The following MYO16 variants were observed in gnomAD, a reference collection of about 807,000 sequenced individuals.
MYO16 encodes myosin XVI.
MYO16 carries 94 observed loss-of-function variants against 205.3 expected under a neutral mutation model. The ratio of observed to expected loss-of-function variants is 0.46; its 90% confidence interval spans 0.39 to 0.54. The LOEUF is 0.54. MYO16 is among the 20% of genes least tolerant of loss of function. The pLI is 0.00. For missense variants in MYO16, 2,315 were observed against 2,387.5 expected (o/e 0.97, Z 0.63); for synonymous variants, 988 against 954.0 (o/e 1.04, Z -0.66).
chr13:109,065,661 C>T (rs986633936), intron 27 of MYO16: 14 of 413,858 alleles, frequency 3.4e-5, no homozygotes, highest in African/African-American at 2.5e-4. Context: ...CTCATCCATA[C>T]ATCTTTGTTT....
chr13:108,772,963 A>G (rs1342915330), intron 4 of MYO16, among the ~76,000 whole-genome samples: 2 of 152,230 alleles, frequency 1.3e-5, no homozygotes, highest in Non-Finnish European at 2.9e-5. Context: ...TATAAACAAC[A>G]GAACCTTATT....
Position 109,105,555 on chromosome 13 carries a change from C to T in MYO16, c.3438+4668C>T, listed in dbSNP as rs116031519. On this transcript the variant is annotated intron_variant, in intron 28 of 34. Coordinates refer to ENST00000457511, the MANE Select transcript of MYO16 (RefSeq NM_001198950.3). Reference sequence around the variant, plus strand: ...CAATGGATTTTTAGCTTTATATCTACGTGTATAAGATACATGTATTAATGC... The same window carrying T: ...CAATGGATTTTTAGCTTTATATCTATGTGTATAAGATACATGTATTAATGC... Among the ~76,000 whole-genome samples, 355 of 152,148 alleles carry T rather than the reference C, an allele frequency of 2.3e-3. 1 individual carries two copies. The highest frequency in any genetic ancestry group is 8.1e-3 in the African/African-American group (336 of 41,500).
At chr13:109,025,726 A>G (rs183139423) in intron 23 of MYO16, among the ~76,000 whole-genome samples, 17 of 152,298 alleles carry the variant, frequency 1.1e-4, no homozygotes, top group African/African-American at 3.4e-4. Context: ...GGAGAAAGAC[A>G]TTGGCTCTTA....
intron 28 of MYO16, among the ~76,000 whole-genome samples, chr13:109,108,989 C>T (rs1476215175): frequency 3.9e-5 from 6 of 152,038 alleles, no homozygotes; most frequent in Non-Finnish European, 7.4e-5. Flanking sequence ...CATTATTGCC[C>T]CACTAAGGAG....
chr13:109,094,098 A>G (rs947297393), intron 27 of MYO16, among the ~76,000 whole-genome samples: 3 of 152,158 alleles, frequency 2.0e-5, no homozygotes, highest in Non-Finnish European at 2.9e-5. Flanking sequence ...CACCGGGACT[A>G]CAGTTCCCCC....
intron 4 of MYO16, among the ~76,000 whole-genome samples, chr13:108,738,006 T>C (rs1442754730): frequency 6.6e-6 from 1 of 152,204 alleles, no homozygotes; most frequent in African/African-American, 2.4e-5. Context: ...TTTTATTGTG[T>C]CTATTTGATT....
chr13:108,902,638 G>A (rs1053477323), intron 15 of MYO16, among the ~76,000 whole-genome samples: 2 of 152,160 alleles, frequency 1.3e-5, no homozygotes, highest in African/African-American at 4.8e-5. Flanking sequence ...AGCTCTGATG[G>A]TTGCTGCTGA....
intron 11 of MYO16, among the ~76,000 whole-genome samples, chr13:108,857,237 A>G (rs1878228456): frequency 6.6e-6 from 1 of 152,216 alleles, no homozygotes; most frequent in African/African-American, 2.4e-5. Context: ...ATCTGCCTTT[A>G]GAGAATTTAT....
At chr13:108,796,852 G>A (rs984012299) in intron 6 of MYO16, among the ~76,000 whole-genome samples, 2 of 150,500 alleles carry the variant, frequency 1.3e-5, no homozygotes, top group African/African-American at 4.9e-5. Flanking sequence ...CACCAACATG[G>A]CACATGTATA....
chr13:109,144,160 G>T (rs888464090), intron 32 of MYO16, among the ~76,000 whole-genome samples: 2 of 151,674 alleles, frequency 1.3e-5, no homozygotes, highest in Non-Finnish European at 2.9e-5. Context: ...AATTACAAGC[G>T]CCCACTACCA....
At chr13:108,787,976 A>G (rs1274549545) in intron 5 of MYO16, among the ~76,000 whole-genome samples, 2 of 151,922 alleles carry the variant, frequency 1.3e-5, no homozygotes, top group African/African-American at 2.4e-5. Context: ...TGCTTGGTGT[A>G]CTTTTACAGT....
Position 109,136,055 on chromosome 13 carries a change from C to CTCCT in MYO16, c.4052-4190_4052-4187dup, listed in dbSNP as rs369392215. ...TGGAAGTCATTTCTTTTCTTTCTTTCTCCTTCCTTCCTTCCTTCCTTCTTT... is the reference window on the plus strand; with the variant it reads ...TGGAAGTCATTTCTTTTCTTTCTTTCTCCTTCCTTCCTTCCTTCCTTCCTTCTTT... On this transcript the variant is annotated intron_variant, in intron 31 of 34. Transcript: ENST00000457511. 1.6e-3 allele frequency among the ~76,000 whole-genome samples: 236 copies of CTCCT among 150,992 alleles called. 2 individuals carry two copies. The highest frequency in any genetic ancestry group is 4.0e-3 in the African/African-American group (166 of 41,090).
At chr13:108,640,625 C>T (rs1347677423) in intron 1 of MYO16, among the ~76,000 whole-genome samples, 2 of 152,136 alleles carry the variant, frequency 1.3e-5, no homozygotes, top group Admixed American at 1.3e-4. Context: ...ACCCATCTAT[C>T]CTTTCACATT....
At chr13:108,772,354 G>C (rs1249865169) in intron 4 of MYO16, among the ~76,000 whole-genome samples, 1 of 149,262 alleles carries the variant, frequency 6.7e-6, no homozygotes, top group African/African-American at 2.5e-5. Flanking sequence ...TGTCTCAAAA[G>C]AAAGAAAAAA....
At chr13:108,598,586 A>C (rs2139295526) in intron 1 of MYO16, among the ~76,000 whole-genome samples, 1 of 152,322 alleles carries the variant, frequency 6.6e-6, no homozygotes, top group South Asian at 2.1e-4. Flanking sequence ...GAAAGTGTCC[A>C]CTTTCTGTTC....
intron 9 of MYO16, among the ~76,000 whole-genome samples, chr13:108,828,294 C>T (rs1057362762): frequency 6.6e-6 from 1 of 152,124 alleles, no homozygotes; most frequent in African/African-American, 2.4e-5. Context: ...TTGATAGTGC[C>T]TGAACTCCCT....
the MYO16 span, among the ~76,000 whole-genome samples, chr13:108,547,681 A>G: frequency 6.6e-6 from 1 of 152,246 alleles, no homozygotes; most frequent in Non-Finnish European, 1.5e-5. Flanking sequence ...AGAGCTTACA[A>G]ATAAAAATGG....
rs1884379239 is a variant in MYO16 at position 108,727,465 on chromosome 13, T to C, written c.389T>C (p.Ile130Thr). The change falls in exon 4 of 35, where the codon ATT becomes ACT. Residue 130 changes from isoleucine (I) to threonine (T), a missense_variant. By Grantham distance (89) the Ile-to-Thr change is moderately conservative. Around this residue, in one of 3 missense-constraint regions of MYO16, gnomAD observed 1,213 missense variants for 1,274.4 expected, o/e 0.95. Transcript: ENST00000457511. Reference sequence around the variant, plus strand: ...TGTGCTCGGTATGATAATGCCTTCATTGCAGAAATTCTGATTGACAGAGGA... The same window carrying C: ...TGTGCTCGGTATGATAATGCCTTCACTGCAGAAATTCTGATTGACAGAGGA... ...HLCARYDNAF[I>T]AEILIDRGVN... 3 of 1,614,008 alleles carry C rather than the reference T, an allele frequency of 1.9e-6. No homozygotes were observed. The highest frequency in any genetic ancestry group is 4.5e-5 in the East Asian group (2 of 44,866).
rs1886690065 is a variant in MYO16 at position 108,793,594 on chromosome 13, C to A, written c.695C>A (p.Ser232Ter). 1 of 1,613,798 alleles carries A rather than the reference C, an allele frequency of 6.2e-7. No individual in the cohort carries two copies. The highest frequency in any genetic ancestry group is 1.1e-5 in the South Asian group (1 of 91,072). Residue 232 changes from serine to a stop codon, truncating the protein, a stop_gained, in exon 6 of 35, where the codon TCA becomes TAA. Transcript: ENST00000457511. LOFTEE classifies it high-confidence loss of function. ...SMLTDVKHFL[S>*]SGGNVNEKND... is the part of the protein sequence containing the mutation. ...TTAACAGATGTCAAACACTTCTTATCATCTGGAGGAAATGTCAATGAGAAA... is the reference window on the plus strand; with the variant it reads ...TTAACAGATGTCAAACACTTCTTATAATCTGGAGGAAATGTCAATGAGAAA...
Sources: allele counts gnomAD v4.1 joint callset (sites outside exome capture counted in the v4.1 genomes callset), GRCh38; gene constraint gnomAD v4.1.1; regional missense constraint gnomAD v4.1.1; transcripts MANE v1.5; gene names NCBI Gene and HGNC (gene_info 2026-07-23, HGNC 2026-07-21).